GAS7: variants seen among roughly 807,000 people sequenced by gnomAD.
The protein encoded by GAS7 is growth arrest specific 7, also known as growth arrest-specific protein 7.
A neutral mutation model predicts 71.1 loss-of-function variants in GAS7; 28 were observed. The observed-to-expected ratio is 0.39, with a 90% CI of 0.29 to 0.54. The LOEUF (loss-of-function observed/expected upper bound fraction) is 0.54, where lower values mean the gene tolerates loss of function less well. Among genes scored for constraint, GAS7 ranks in the 20% least tolerant of loss-of-function variants. GAS7 has a pLI of 0.62. For missense variants in GAS7, 436 were observed against 627.8 expected (o/e 0.69, Z 3.27); for synonymous variants, 258 against 245.8 (o/e 1.05, Z -0.46).
chr17:9,970,416 G>A (rs1378403264), intron 3 of GAS7, among the ~76,000 whole-genome samples: 1 of 152,122 alleles, frequency 6.6e-6, no homozygotes, highest in East Asian at 1.9e-4. Context: ...GATCATGTGA[G>A]GTCAGGAGTT....
intron 1 of GAS7, among the ~76,000 whole-genome samples, chr17:10,128,130 T>TA (rs1335622241): frequency 2.6e-5 from 4 of 152,208 alleles, no homozygotes; most frequent in African/African-American, 9.6e-5. Context: ...AGGCCATGCG[T>TA]ACATCCTCCC....
chr17:10,086,261 T>C (rs1458525187), intron 1 of GAS7, among the ~76,000 whole-genome samples: 1 of 152,202 alleles, frequency 6.6e-6, no homozygotes, highest in Non-Finnish European at 1.5e-5. Flanking sequence ...CTGTTGTCCA[T>C]ACCTGGAACT....
intron 1 of GAS7, among the ~76,000 whole-genome samples, chr17:10,166,358 C>A (rs2074294049): frequency 6.6e-6 from 1 of 152,192 alleles, no homozygotes; most frequent in Admixed American, 6.5e-5. Flanking sequence ...GGGATGGGGG[C>A]CCCAAGGGAC....
intron 2 of GAS7, among the ~76,000 whole-genome samples, chr17:10,008,121 T>C (rs141361044): frequency 0.013 from 2,026 of 152,338 alleles, 118 homozygotes; most frequent in Admixed American, 0.11. Flanking sequence ...ACATTTTGTT[T>C]ATCCATTCAT....
intron 1 of GAS7, among the ~76,000 whole-genome samples, chr17:10,184,165 A>T (rs1273881970): frequency 6.6e-6 from 1 of 152,180 alleles, no homozygotes; most frequent in Admixed American, 6.5e-5. Context: ...TGGCAAGACC[A>T]TCCCTGGCTG....
chr17:10,034,292 A>G lies in GAS7; in HGVS notation c.184-14395T>C. 10 of 765,768 alleles carry G rather than the reference A, an allele frequency of 1.3e-5. No individual in the cohort carries two copies. Among genetic ancestry groups the G allele is most frequent in the Non-Finnish European group, 1.6e-5 (10 of 630,006 alleles). 47.4% of individuals were successfully genotyped at this position (765,768 alleles called of 1,614,324 possible). ...TCCAAGGGCTTTCATATATACATATATATAGCCTAATACTTAATAATTCTT... is the reference window on the plus strand; with the variant it reads ...TCCAAGGGCTTTCATATATACATATGTATAGCCTAATACTTAATAATTCTT... On this transcript the variant is annotated intron_variant, in intron 1 of 13. Coordinates refer to ENST00000432992, the MANE Select transcript of GAS7 (RefSeq NM_201433.2). The surrounding 1 kb of genome is among the most constrained non-coding windows in gnomAD (Gnocchi z 4.4).
intron 1 of GAS7, among the ~76,000 whole-genome samples, chr17:10,025,140 T>G (rs1430746095): frequency 1.3e-5 from 2 of 152,172 alleles, no homozygotes; most frequent in Non-Finnish European, 2.9e-5. Context: ...CAGTGACTCA[T>G]GCCTGTAATC....
intron 1 of GAS7, chr17:10,059,767 T>C (rs2073198175): frequency 5.1e-6 from 5 of 984,826 alleles, no homozygotes; most frequent in Non-Finnish European, 6.0e-6. Flanking sequence ...ATCCGCTGCT[T>C]CCCCGTGGCA....
chr17:10,006,252 A>T (rs1284972950), intron 2 of GAS7, among the ~76,000 whole-genome samples: 1 of 149,432 alleles, frequency 6.7e-6, no homozygotes, highest in Non-Finnish European at 1.5e-5. Flanking sequence ...AATGCTGTTC[A>T]TCTTGTCCGG....
At chr17:9,945,978 T>C (rs1228059299) in intron 6 of GAS7, among the ~76,000 whole-genome samples, 1 of 152,036 alleles carries the variant, frequency 6.6e-6, no homozygotes, top group Non-Finnish European at 1.5e-5. Flanking sequence ...AGAGTGAGAC[T>C]CTGTCTCAAA....
chr17:10,134,278 G>A (rs942616316), intron 1 of GAS7, among the ~76,000 whole-genome samples: 2 of 151,912 alleles, frequency 1.3e-5, no homozygotes, highest in African/African-American at 2.4e-5. Context: ...TGATCCGCCC[G>A]CCTCGGCCTC....
chr17:10,036,776 C>T, intron 1 of GAS7: 1 of 1,167,380 alleles, frequency 8.6e-7, no homozygotes, highest in Non-Finnish European at 1.1e-6. Flanking sequence ...CCCACTCTCC[C>T]TCTTTTTCCC....
At chr17:10,025,469 C>T (rs1268342491) in intron 1 of GAS7, among the ~76,000 whole-genome samples, 3 of 151,798 alleles carry the variant, frequency 2.0e-5, no homozygotes, top group South Asian at 2.1e-4. Context: ...TATCACCGCC[C>T]GCGTCCAGGC....
chr17:10,041,023 G>A (rs144341261), intron 1 of GAS7, among the ~76,000 whole-genome samples: 34 of 152,160 alleles, frequency 2.2e-4, no homozygotes, highest in African/African-American at 3.9e-4. Flanking sequence ...TTAGCCAGGC[G>A]TGGTGGTGTG....
intron 8 of GAS7, among the ~76,000 whole-genome samples, chr17:9,938,749 C>G (rs144740820): frequency 6.6e-6 from 1 of 152,098 alleles, no homozygotes; most frequent in Non-Finnish European, 1.5e-5. Context: ...AAAGGAAACC[C>G]GGTAACTTTT....
intron 1 of GAS7, among the ~76,000 whole-genome samples, chr17:10,028,046 G>T (rs1216143476): frequency 6.6e-6 from 1 of 152,102 alleles, no homozygotes; most frequent in Non-Finnish European, 1.5e-5. Context: ...ACCACACCCA[G>T]CTAATTTTTG....
chr17:10,169,117 A>G (rs1456446500), intron 1 of GAS7, among the ~76,000 whole-genome samples: 2 of 151,596 alleles, frequency 1.3e-5, no homozygotes, highest in East Asian at 3.9e-4. Context: ...TCTACTAAAA[A>G]TACAAAATAG....
Position 10,034,953 on chromosome 17 carries a change from G to A in GAS7, c.184-15056C>T, listed in dbSNP as rs2152223118. Among the ~76,000 whole-genome samples the A allele has an allele frequency of 6.6e-6, 1 of 152,210 alleles. No individual in the cohort carries two copies. The highest frequency in any genetic ancestry group is 2.1e-4 in the South Asian group (1 of 4,822). On this transcript the variant is annotated intron_variant, in intron 1 of 13. Transcript: ENST00000432992. This position sits in a 1 kb window ranked among gnomAD's most constrained non-coding sequence, Gnocchi z 4.4. ...CTGCATCACCCTGGATGCACCAAAGGCGGGTTCCAGTGGAATTTTTCTGGG... is the reference window on the plus strand; with the variant it reads ...CTGCATCACCCTGGATGCACCAAAGACGGGTTCCAGTGGAATTTTTCTGGG...
chr17:9,948,181 G>T (rs1056492800), intron 5 of GAS7, among the ~76,000 whole-genome samples: 2 of 152,214 alleles, frequency 1.3e-5, no homozygotes, highest in Admixed American at 1.3e-4. Context: ...TTGGACTATG[G>T]GTGAGGAGGG....
Sources: allele counts gnomAD v4.1 joint callset (sites outside exome capture counted in the v4.1 genomes callset), GRCh38; gene constraint gnomAD v4.1.1; non-coding constraint Gnocchi (gnomAD v3.1); transcripts MANE v1.5; gene names NCBI Gene and HGNC (gene_info 2026-07-23, HGNC 2026-07-21).